PPIE: variants seen among roughly 807,000 people sequenced by gnomAD.
The protein encoded by PPIE is peptidyl-prolyl cis-trans isomerase E.
Under a neutral mutation model 38.4 loss-of-function variants are expected in PPIE, and 20 were observed. The observed-to-expected ratio is 0.52, with a 90% CI of 0.37 to 0.76. The LOEUF (loss-of-function observed/expected upper bound fraction) is 0.76, where lower values mean the gene tolerates loss of function less well. Among genes scored for constraint, PPIE ranks in the 30% least tolerant of loss-of-function variants. PPIE has a pLI of 0.00. For missense variants in PPIE, 322 were observed against 385.8 expected (o/e 0.83, Z 1.39); for synonymous variants, 142 against 135.7 (o/e 1.05, Z -0.32).
In PPIE at chr1:39,741,368, A is replaced by G. The variant is rs186973395; in HGVS notation, c.133A>G (p.Lys45Glu). 57 of 1,614,046 alleles carry G rather than the reference A, an allele frequency of 3.5e-5. 1 individual carries two copies. In the African/African-American group the frequency reaches 5.5e-4, roughly 15 times the overall value. ...IQIPLDYETE[K>E]HRGFAFVEFE... is the part of the protein sequence containing the mutation. ...GTTTTTGTTTTTCCATTTTGTAGAA[A>G]AGCACCGAGGATTTGCTTTTGTTGA... Residue 45 changes from lysine to glutamate, a missense_variant and splice_region_variant, in exon 3 of 10, where the codon AAG becomes GAG. Transcript: ENST00000324379.
At chr1:39,763,111 T>G in intron 9 of PPIE, 1 of 1,613,720 alleles carries the variant, frequency 6.2e-7, no homozygotes, top group African/African-American at 1.3e-5. Flanking sequence ...CAGGATGGCG[T>G]GGTTGGTGGC....
chr1:39,754,161 A>G lies in PPIE; in HGVS notation c.*806A>G. On this transcript the variant is annotated 3_prime_UTR_variant, in exon 10 of 10. Transcript: ENST00000324379. Reference sequence around the variant, plus strand: ...TATGAATCAGGTTTTATTGGAACACAGCCACGTCCATTTATTTACATATTG... The same window carrying G: ...TATGAATCAGGTTTTATTGGAACACGGCCACGTCCATTTATTTACATATTG... 1.2e-6 allele frequency: 1 copy of G among 802,192 alleles called. No homozygotes were observed. Among genetic ancestry groups the G allele is most frequent in the Non-Finnish European group, 1.5e-6 (1 of 662,918 alleles). 49.7% of individuals were successfully genotyped at this position (802,192 alleles called of 1,614,324 possible).
At position 39,754,756 on chromosome 1, in the gene PPIE, G is replaced by A. The variant is rs532558027; in HGVS notation, c.*1401G>A. ...ACCTATAGTCCCAGCTACTCAGAAGGCTGAGGTGGGAGGATCGCTTGAACC... is the reference window on the plus strand; with the variant it reads ...ACCTATAGTCCCAGCTACTCAGAAGACTGAGGTGGGAGGATCGCTTGAACC... On this transcript the variant is annotated 3_prime_UTR_variant, in exon 10 of 10. Transcript: ENST00000324379. Among the ~76,000 whole-genome samples the A allele has an allele frequency of 3.7e-4, 57 of 152,130 alleles. 1 individual carries two copies. The highest frequency in any genetic ancestry group is 6.6e-4 in the Non-Finnish European group (45 of 68,012).
Position 39,754,003 on chromosome 1 carries a change from TCACCCTA to T in PPIE, c.*651_*657del. 4 of 985,460 alleles carry T rather than the reference TCACCCTA, an allele frequency of 4.1e-6. No homozygotes were observed. In the South Asian group the frequency reaches 1.9e-4, roughly 46 times the overall value. The allele number at this position is 985,460 out of a possible 1,614,324, so 61.0% of individuals were successfully genotyped here. On this transcript the variant is annotated 3_prime_UTR_variant, in exon 10 of 10. Coordinates refer to ENST00000324379, the MANE Select transcript of PPIE (RefSeq NM_006112.4). ...GGTTCATTTGTTTATTTGTTCACTT[TCACCCTA>T]CAGATTTTAAAAAATGAAATTTTTA...
intron 8 of PPIE, among the ~76,000 whole-genome samples, chr1:39,749,353 C>T (rs533724440): frequency 1.3e-5 from 2 of 152,164 alleles, no homozygotes; most frequent in South Asian, 2.1e-4. Context: ...CTCTTATGCT[C>T]TCAACCCCAC....
At chr1:39,740,546 T>G (rs1177130240) in intron 2 of PPIE, among the ~76,000 whole-genome samples, 1 of 152,222 alleles carries the variant, frequency 6.6e-6, no homozygotes, top group Non-Finnish European at 1.5e-5. Flanking sequence ...ACATTGAGAT[T>G]TGAATGTTGT....
Position 39,738,883 on chromosome 1 carries a change from GA to G in PPIE, c.-14del, listed in dbSNP as rs1359857570. The G allele has an allele frequency of 7.9e-6, 12 of 1,517,514 alleles. No individual in the cohort carries two copies. The highest frequency in any genetic ancestry group is 5.3e-5 in the East Asian group (2 of 37,502). The allele number at this position is 1,517,514 out of a possible 1,614,324, so 94.0% of individuals were successfully genotyped here. A position where few individuals can be genotyped will look rare whatever the true frequency, so the allele number is the denominator to read the frequency against. The stretch of plus-strand genomic sequence containing the variant: ...ACGGGTCGAGTGCTGGCTTCCGGCG[GA>G]AAAGCGCGCGAGCAAGATGGCCACC... On this transcript the variant is annotated 5_prime_UTR_variant, in exon 1 of 10. Coordinates refer to ENST00000324379, the MANE Select transcript of PPIE (RefSeq NM_006112.4).
rs35755213 is a variant in PPIE, at chr1:39,747,455, C to CTTTTTTTTTTTT, written c.509-1434_509-1423dup. The stretch of plus-strand genomic sequence containing the variant: ...GTGTTTCAGTTTTTCCACATCTTCT[C>CTTTTTTTTTTTT]TTTTTTTTTTTTTTTTTTTTTTTTT... On this transcript the variant is annotated intron_variant, in intron 7 of 9. Coordinates refer to ENST00000324379, the MANE Select transcript of PPIE (RefSeq NM_006112.4). 7 of 72,970 alleles carry CTTTTTTTTTTTT rather than the reference C, an allele frequency of 9.6e-5. 1 individual carries two copies. The highest frequency in any genetic ancestry group is 6.4e-4 in the South Asian group (1 of 1,568). 4.5% of individuals were successfully genotyped at this position (72,970 alleles called of 1,614,324 possible).
chr1:39,739,072 C>A, intron 1 of PPIE, 141 bp downstream of exon 1: 3 of 941,108 alleles, frequency 3.2e-6, no homozygotes, highest in Non-Finnish European at 4.3e-6. Flanking sequence ...CTGGCGATAG[C>A]TCTGGCTGTG....
rs544631117 is a variant in PPIE at position 39,763,575 on chromosome 1, A to G, written c.838-114A>G. 8.4e-6 allele frequency: 11 copies of G among 1,306,322 alleles called. 1 individual carries two copies. The East Asian group carries it at 1.8e-4, about 21-fold the overall frequency. The allele number at this position is 1,306,322 out of a possible 1,614,324, so 80.9% of individuals were successfully genotyped here. ...CCCTTTCTCACCATATTCTCACTTTAGAAAACTTGGAAAACACAGAAGAAA... is the reference window on the plus strand; with the variant it reads ...CCCTTTCTCACCATATTCTCACTTTGGAAAACTTGGAAAACACAGAAGAAA... On this transcript the variant is annotated intron_variant, in intron 9 of 9. Coordinates refer to the PPIE transcript ENST00000356511.
chr1:39,738,909 C>G lies in PPIE; in HGVS notation c.9C>G (p.Thr3=). MA[T]TKRVLYVGGL... The stretch of plus-strand genomic sequence containing the variant: ...AAAAGCGCGCGAGCAAGATGGCCAC[C>G]ACCAAGCGCGTCTTGTACGTGGGTG... Residue 3 remains threonine, a synonymous_variant, in exon 1 of 10, where the codon ACC becomes ACG. Coordinates refer to ENST00000324379, the MANE Select transcript of PPIE (RefSeq NM_006112.4). The G allele has an allele frequency of 6.6e-7, 1 of 1,507,456 alleles. No individual in the cohort carries two copies. Among genetic ancestry groups the G allele is most frequent in the South Asian group, 1.3e-5 (1 of 76,678 alleles). The allele number at this position is 1,507,456 out of a possible 1,614,324, so 93.4% of individuals were successfully genotyped here. A position where few individuals can be genotyped will look rare whatever the true frequency, so the allele number is the denominator to read the frequency against.
chr1:39,755,923 A>G lies in PPIE; in HGVS notation c.*2568A>G, dbSNP rs1336732685. On this transcript the variant is annotated 3_prime_UTR_variant, in exon 10 of 10. Coordinates refer to ENST00000324379, the MANE Select transcript of PPIE (RefSeq NM_006112.4). ...GAAGCCCAGCCTGTCTCTCTTCAGT[A>G]GTAATGGAGTCCTGGGAGGTTTACT... 3 of 985,334 alleles carry G rather than the reference A, an allele frequency of 3.0e-6. No homozygotes were observed. The highest frequency in any genetic ancestry group is 3.6e-6 in the Non-Finnish European group (3 of 829,936). 61.0% of individuals were successfully genotyped at this position (985,334 alleles called of 1,614,324 possible). A position where few individuals can be genotyped will look rare whatever the true frequency, so the allele number is the denominator to read the frequency against.
intron 9 of PPIE, among the ~76,000 whole-genome samples, chr1:39,762,903 T>TGTA (rs1397520317): frequency 2.6e-5 from 4 of 152,166 alleles, no homozygotes; most frequent in African/African-American, 4.8e-5. Context: ...CGAGTCTACG[T>TGTA]GTAGTGTGGC....
intron 1 of PPIE, among the ~76,000 whole-genome samples, chr1:39,739,565 G>C (rs548422309): frequency 6.6e-6 from 1 of 152,306 alleles, no homozygotes; most frequent in African/African-American, 2.4e-5. Context: ...GCCTGGCTGC[G>C]GGACAAATGA....
chr1:39,743,199 A>G lies in PPIE; in HGVS notation c.202-17A>G. 6.2e-7 allele frequency: 1 copy of G among 1,612,598 alleles called. No homozygotes were observed. Among genetic ancestry groups the G allele is most frequent in the Non-Finnish European group, 8.5e-7 (1 of 1,178,630 alleles). ...AACCTAAGAGAGTTTAAGCAGCTGG[A>G]TTTTCAATCTTTTCAGAATGAATCT... On this transcript the variant is annotated splice_polypyrimidine_tract_variant and intron_variant, in intron 4 of 9. Transcript: ENST00000324379.
chr1:39,760,648 A>G, downstream of PPIE: 1 of 1,492,154 alleles, frequency 6.7e-7, no homozygotes, highest in Non-Finnish European at 8.9e-7. Context: ...CCCCAGCTCC[A>G]CCTGCTCCCT....
At chr1:39,741,026 T>C (rs1437948914) in intron 2 of PPIE, among the ~76,000 whole-genome samples, 1 of 152,222 alleles carries the variant, frequency 6.6e-6, no homozygotes, top group Non-Finnish European at 1.5e-5. Context: ...GCAAAATATA[T>C]ATTTAGATAG....
At chr1:39,743,796 G>T in intron 5 of PPIE, 28 bp from the exon 6 acceptor site, 1 of 1,579,854 alleles carries the variant, frequency 6.3e-7, no homozygotes, top group South Asian at 1.1e-5. Context: ...CAGCTTGAAT[G>T]AACATTTGTT....
At chr1:39,748,200 G>A (rs375841463) in intron 7 of PPIE, 2 of 152,216 alleles carry the variant, frequency 1.3e-5, no homozygotes, top group Non-Finnish European at 1.5e-5. Context: ...CCCTCTATTG[G>A]TACGGTTCTT....
Sources: gnomAD v4.1 joint callset for allele counts (sites outside exome capture counted in the v4.1 genomes callset) on GRCh38, gnomAD v4.1.1 for gene constraint, MANE v1.5 for transcripts, NCBI Gene and HGNC (gene_info 2026-07-23, HGNC 2026-07-21) for gene names.